The following CERT1 variants were observed in gnomAD, a reference collection of about 807,000 sequenced individuals.
CERT1 encodes ceramide transfer protein.
A neutral mutation model predicts 87.9 loss-of-function variants in CERT1; 31 were observed. The observed-to-expected ratio is 0.35, with a 90% CI of 0.27 to 0.48. The LOEUF (loss-of-function observed/expected upper bound fraction) is 0.48, where lower values mean the gene tolerates loss of function less well. CERT1 is among the 20% of genes least tolerant of loss of function. The pLI, the probability that CERT1 is intolerant of heterozygous loss-of-function variation, is 0.99. For missense variants in CERT1, 487 were observed against 758.0 expected (o/e 0.64, Z 4.20); for synonymous variants, 289 against 250.9 (o/e 1.15, Z -1.44).
At chr5:75,432,643 T>G (rs1344154476) in intron 3 of CERT1, among the ~76,000 whole-genome samples, 2 of 152,250 alleles carry the variant, frequency 1.3e-5, no homozygotes, top group Non-Finnish European at 2.9e-5. Flanking sequence ...TTTCTCTCTT[T>G]CTGTATGTTG....
chr5:75,438,274 T>C (rs181523479), intron 3 of CERT1, among the ~76,000 whole-genome samples: 90 of 152,312 alleles, frequency 5.9e-4, no homozygotes, highest in Middle Eastern at 3.4e-3. Context: ...AGAAAAGTTA[T>C]CAAACTGTTC....
chr5:75,493,985 T>C (rs1561302400), intron 2 of CERT1, among the ~76,000 whole-genome samples: 1 of 152,308 alleles, frequency 6.6e-6, no homozygotes, highest in African/African-American at 2.4e-5. Flanking sequence ...TTTTATAGTA[T>C]ACTTACTTTT....
At chr5:75,469,005 T>A in intron 2 of CERT1, among the ~76,000 whole-genome samples, 1 of 152,010 alleles carries the variant, frequency 6.6e-6, no homozygotes, top group East Asian at 1.9e-4. Flanking sequence ...GACAAAGAAT[T>A]CAAACAGCTA....
At chr5:75,422,374 G>C (rs1763419121) in intron 5 of CERT1, among the ~76,000 whole-genome samples, 1 of 152,184 alleles carries the variant, frequency 6.6e-6, no homozygotes, top group Non-Finnish European at 1.5e-5. Context: ...CCAGCACTTT[G>C]GGAGGCAGAG....
In CERT1 at chr5:75,511,523, A is replaced by C; in HGVS notation, c.-316T>G. ...TTAGCCCCCTCGATGCCAATTTCAA[A>C]TAGGGAAGGAAAAGGGAAAAGAAGG... On this transcript the variant is annotated 5_prime_UTR_variant, in exon 1 of 17. Transcript: ENST00000643780. 1 of 1,469,128 alleles carries C rather than the reference A, an allele frequency of 6.8e-7. No individual in the cohort carries two copies. Among genetic ancestry groups the C allele is most frequent in the Non-Finnish European group, 9.0e-7 (1 of 1,111,740 alleles). 91.0% of individuals were successfully genotyped at this position (1,469,128 alleles called of 1,614,324 possible).
At chr5:75,392,665 C>T (rs1172251720) in intron 11 of CERT1, among the ~76,000 whole-genome samples, 6 of 152,104 alleles carry the variant, frequency 3.9e-5, no homozygotes, top group Admixed American at 2.0e-4. Context: ...AGTTATGACA[C>T]GACATATTAA....
intron 8 of CERT1, among the ~76,000 whole-genome samples, chr5:75,408,566 T>A (rs559592872): frequency 1.0e-3 from 153 of 152,038 alleles, no homozygotes; most frequent in Non-Finnish European, 1.6e-3. Flanking sequence ...CATTTATGAG[T>A]GGGAGCTAAA....
chr5:75,393,602 T>TTAAAAAAAAAAAAAAAAAAAAAAAAA (rs1179766169), intron 11 of CERT1, among the ~76,000 whole-genome samples: 2 of 32,754 alleles, frequency 6.1e-5, no homozygotes, highest in East Asian at 2.3e-3. Context: ...CTCATCTACT[T>TTAAAAAAAAAAAAAAAAAAAAAAAAA]AAAAAAAAAA....
intron 11 of CERT1, among the ~76,000 whole-genome samples, chr5:75,395,006 G>A (rs774716026): frequency 3.3e-5 from 5 of 152,066 alleles, no homozygotes; most frequent in Non-Finnish European, 1.5e-5. Context: ...TGTATCACTT[G>A]TACACTGAAA....
chr5:75,492,529 G>A (rs551785757), intron 2 of CERT1, among the ~76,000 whole-genome samples: 2 of 152,228 alleles, frequency 1.3e-5, no homozygotes, highest in South Asian at 4.2e-4. Context: ...AATTTCAATT[G>A]ACAAAGTCAG....
rs1029182925 is a variant in CERT1, at chr5:75,378,339, G to C, written c.*1007C>G. On this transcript the variant is annotated 3_prime_UTR_variant, in exon 17 of 17. Coordinates refer to ENST00000643780, the MANE Select transcript of CERT1 (RefSeq NM_001379029.1). The stretch of plus-strand genomic sequence containing the variant: ...GGAGGCTGAGGCAGGAGAATCGCTT[G>C]AACCTGGGAGGCAGAGGTTGCAGTG... 6.6e-6 allele frequency: 1 copy of C among 152,284 alleles called. No homozygotes were observed. Among genetic ancestry groups the C allele is most frequent in the African/African-American group, 2.4e-5 (1 of 41,438 alleles). The allele number at this position is 152,284 out of a possible 1,614,324, so 9.4% of individuals were successfully genotyped here. A position where few individuals can be genotyped will look rare whatever the true frequency, so the allele number is the denominator to read the frequency against.
intron 3 of CERT1, among the ~76,000 whole-genome samples, chr5:75,441,278 T>C (rs1764309542): frequency 6.6e-6 from 1 of 152,188 alleles, no homozygotes; most frequent in Non-Finnish European, 1.5e-5. Context: ...AGAAGCAATA[T>C]GCTCTATCAT....
In CERT1 at chr5:75,400,313, A is replaced by C; in HGVS notation, c.1018-16T>G. ...CACTCTGTGACTAAAAAAACATATA[A>C]TATTAAGATGGGAAGGTTTTAAAGT... On this transcript the variant is annotated splice_polypyrimidine_tract_variant and intron_variant, in intron 9 of 16. Coordinates refer to ENST00000643780, the MANE Select transcript of CERT1 (RefSeq NM_001379029.1). The C allele has an allele frequency of 4.5e-6, 7 of 1,564,904 alleles. No individual in the cohort carries two copies. The East Asian group carries it at 1.6e-4, about 35-fold the overall frequency.
At chr5:75,379,677 C>CG (rs1055686451) in intron 16 of CERT1, among the ~76,000 whole-genome samples, 5 of 152,128 alleles carry the variant, frequency 3.3e-5, no homozygotes, top group Non-Finnish European at 7.3e-5. Context: ...CTTCCGCCTC[C>CG]GGGGTTCAAG....
chr5:75,454,349 G>A, intron 3 of CERT1, among the ~76,000 whole-genome samples: 1 of 152,122 alleles, frequency 6.6e-6, no homozygotes, highest in East Asian at 1.9e-4. Flanking sequence ...AATAAATGTG[G>A]TTATATTATA....
intron 3 of CERT1, 119 bp downstream of exon 3, chr5:75,458,946 T>C: frequency 3.1e-6 from 2 of 645,926 alleles, no homozygotes; most frequent in Non-Finnish European, 5.6e-6. Context: ...TTAATCTTTA[T>C]CATCCAAATA....
chr5:75,496,482 G>A (rs1767075579), intron 2 of CERT1, among the ~76,000 whole-genome samples: 1 of 152,124 alleles, frequency 6.6e-6, no homozygotes, highest in Admixed American at 6.5e-5. Context: ...TATCTACCCA[G>A]GAGAAATGAA....
intron 17 of CERT1, chr5:75,370,902 A>G (rs1761058314): frequency 6.6e-6 from 1 of 151,110 alleles, no homozygotes; most frequent in Admixed American, 6.6e-5. Context: ...CAGTGAGCCA[A>G]GATCCCACCA....
intron 9 of CERT1, chr5:75,402,633 C>G (rs896809574): frequency 5.7e-6 from 1 of 175,466 alleles, no homozygotes; most frequent in Non-Finnish European, 1.2e-5. Context: ...CCCGTCTCTA[C>G]TAAAAACACA....
Sources: gnomAD v4.1 joint callset for allele counts (sites outside exome capture counted in the v4.1 genomes callset) on GRCh38, gnomAD v4.1.1 for gene constraint, MANE v1.5 for transcripts, NCBI Gene and HGNC (gene_info 2026-07-23, HGNC 2026-07-21) for gene names.